The following GOLGB1 variants were observed in gnomAD, a reference collection of about 807,000 sequenced individuals.
GOLGB1 encodes the protein golgin B1.
GOLGB1 carries 174 observed loss-of-function variants against 336.9 expected under a neutral mutation model. That is an observed-to-expected ratio of 0.52 (90% CI 0.46 to 0.59). The LOEUF (loss-of-function observed/expected upper bound fraction) is 0.59, where lower values mean the gene tolerates loss of function less well. Among genes scored for constraint, GOLGB1 ranks in the 20% least tolerant of loss-of-function variants. The probability of loss-of-function intolerance (pLI) is 0.00; values close to 1 mark genes in which losing one functional copy is unlikely to be tolerated. For missense variants in GOLGB1, 3,331 were observed against 3,645.3 expected (o/e 0.91, Z 2.22); for synonymous variants, 1,208 against 1,289.2 (o/e 0.94, Z 1.35).
At chr3:121,712,878 C>T (rs1211257243) in intron 10 of GOLGB1, among the ~76,000 whole-genome samples, 1 of 152,088 alleles carries the variant, frequency 6.6e-6, no homozygotes, top group Non-Finnish European at 1.5e-5. Context: ...AATAGTACAA[C>T]CACAGCCAGG....
chr3:121,744,995 C>A (rs1947148740), intron 1 of GOLGB1, among the ~76,000 whole-genome samples: 1 of 152,070 alleles, frequency 6.6e-6, no homozygotes, highest in Non-Finnish European at 1.5e-5. Flanking sequence ...CTAACAAGGA[C>A]CATTCTAATG....
At chr3:121,723,375 A>G (rs551329002) in intron 5 of GOLGB1, among the ~76,000 whole-genome samples, 19 of 152,374 alleles carry the variant, frequency 1.2e-4, no homozygotes, top group Non-Finnish European at 2.5e-4. Context: ...AGACCCCTAT[A>G]TAACACTGTA....
chr3:121,699,628 A>C (rs1006257702), intron 12 of GOLGB1, among the ~76,000 whole-genome samples, 184 bp downstream of exon 12: 3 of 152,202 alleles, frequency 2.0e-5, no homozygotes, highest in African/African-American at 7.2e-5. Flanking sequence ...AATGAATTTT[A>C]ATATTCAGAA....
chr3:121,707,477 A>T (rs1034662728), intron 10 of GOLGB1, among the ~76,000 whole-genome samples: 3 of 151,556 alleles, frequency 2.0e-5, no homozygotes, highest in Non-Finnish European at 4.4e-5. Flanking sequence ...AGCAAAAAAA[A>T]AAAAAATTAG....
At chr3:121,684,095 T>C (rs1576308413) in intron 14 of GOLGB1, among the ~76,000 whole-genome samples, 1 of 115,530 alleles carries the variant, frequency 8.7e-6, no homozygotes, top group East Asian at 2.8e-4. Flanking sequence ...GCCATTGCAC[T>C]CCAGCCTGGA....
intron 14 of GOLGB1, among the ~76,000 whole-genome samples, chr3:121,684,988 A>C (rs1941565227): frequency 6.6e-6 from 1 of 152,236 alleles, no homozygotes; most frequent in Non-Finnish European, 1.5e-5. Context: ...GATGGGAATA[A>C]ACATCTTGAA....
intron 14 of GOLGB1, among the ~76,000 whole-genome samples, chr3:121,688,724 C>A (rs1361984410): frequency 3.3e-5 from 5 of 151,856 alleles, no homozygotes; most frequent in African/African-American, 1.2e-4. Context: ...CGGCCGCCAT[C>A]CCATCTAGGA....
chr3:121,717,902 T>C (rs916290032), intron 8 of GOLGB1, among the ~76,000 whole-genome samples: 8 of 152,188 alleles, frequency 5.3e-5, no homozygotes, highest in African/African-American at 1.7e-4. Flanking sequence ...TGAAATTCAT[T>C]TGTTTCATAT....
Position 121,719,691 on chromosome 3 carries a change from A to T in GOLGB1, c.726T>A (p.Leu242=). The T allele has an allele frequency of 1.2e-6, 2 of 1,611,218 alleles. No homozygotes were observed. The highest frequency in any genetic ancestry group is 1.7e-6 in the Non-Finnish European group (2 of 1,178,516). ...ETQVRLHEDE[L]LQLVTQADVE... ...CATCTGCCTGGGTTACTAACTGAAG[A>T]AGCTCATCTTCATGAAGACGAACTT... The change falls in exon 7 of 22, where the codon CTT becomes CTA. Residue 242 remains leucine, a synonymous_variant. Coordinates refer to ENST00000614479, the MANE Select transcript of GOLGB1 (RefSeq NM_001366282.2).
chr3:121,721,537 G>A (rs1483029167), intron 6 of GOLGB1, among the ~76,000 whole-genome samples: 2 of 152,240 alleles, frequency 1.3e-5, no homozygotes, highest in Admixed American at 1.3e-4. Flanking sequence ...GCTGAGGTGA[G>A]TGAGAGGATG....
chr3:121,711,770 T>C (rs1425380627), intron 10 of GOLGB1, among the ~76,000 whole-genome samples: 1 of 152,214 alleles, frequency 6.6e-6, no homozygotes, highest in East Asian at 1.9e-4. Flanking sequence ...AATGTTATAA[T>C]GTGCATAATT....
Position 121,698,911 on chromosome 3 carries a change from C to A in GOLGB1, c.1612G>T (p.Ala538Ser). The A allele has an allele frequency of 6.4e-7, 1 of 1,565,118 alleles. No individual in the cohort carries two copies. Among genetic ancestry groups the A allele is most frequent in the Non-Finnish European group, 8.6e-7 (1 of 1,157,306 alleles). ...EVSEISIVDI[A>S]NKRSSSAEES... ...TCAGCAGAAGAGCTCCTCTTGTTGG[C>A]AATATCAACAATGCTGATCTATTTT... The change falls in exon 13 of 22, where the codon GCC becomes TCC. Residue 538 changes from alanine to serine, a missense_variant. Ala to Ser is a moderately conservative substitution (Grantham distance 99). Transcript: ENST00000614479.
chr3:121,730,635 G>A (rs1022385512), intron 2 of GOLGB1, among the ~76,000 whole-genome samples: 7 of 152,148 alleles, frequency 4.6e-5, no homozygotes, highest in African/African-American at 1.7e-4. Context: ...ACCAAACAAG[G>A]CCCAGGGAGA....
Position 121,677,560 on chromosome 3 carries a change from G to C in GOLGB1, c.8874-110C>G, listed in dbSNP as rs866502938. ...TTATCTTCAAAGTTACTCAAATCTG[G>C]AAGGTAAAGAAAGAAAGGCTAAGAA... On this transcript the variant is annotated intron_variant, in intron 15 of 21. Transcript: ENST00000614479. 9.8e-6 allele frequency: 7 copies of C among 710,832 alleles called. No homozygotes were observed. In the South Asian group the frequency reaches 1.2e-4, roughly 12 times the overall value. 44.0% of individuals were successfully genotyped at this position (710,832 alleles called of 1,614,324 possible). A position where few individuals can be genotyped will look rare whatever the true frequency, so the allele number is the denominator to read the frequency against.
At chr3:121,689,050 TC>T (rs1291803138) in intron 14 of GOLGB1, among the ~76,000 whole-genome samples, 1 of 145,730 alleles carries the variant, frequency 6.9e-6, no homozygotes, top group African/African-American at 2.6e-5. Flanking sequence ...AGCCGCCCCG[TC>T]CGGGAGGGAG....
Position 121,730,871 on chromosome 3 carries a change from C to T in GOLGB1, c.96+5G>A. 1.2e-6 allele frequency: 2 copies of T among 1,608,780 alleles called. No homozygotes were observed. The highest frequency in any genetic ancestry group is 2.7e-5 in the African/African-American group (2 of 74,664). On this transcript the variant is annotated splice_donor_5th_base_variant and intron_variant, in intron 2 of 21. Coordinates refer to ENST00000614479, the MANE Select transcript of GOLGB1 (RefSeq NM_001366282.2). ...ACCAGTTTAAATCAGAACAGAACTA[C>T]TCACAGGGTCTAGGGGAGCCCTCAT...
Position 121,691,845 on chromosome 3 carries a change from C to T in GOLGB1, c.7519G>A (p.Ala2507Thr), listed in dbSNP as rs1273930520. 1.2e-6 allele frequency: 2 copies of T among 1,613,146 alleles called. No homozygotes were observed. The highest frequency in any genetic ancestry group is 1.1e-5 in the South Asian group (1 of 90,844). ...TCTTTAAGCTTATTATTCTCTGCAG[C>T]AGCCTCTTGGATGAGTTGGTCTTTT... ...LEKDQLIQEA[A>T]AENNKLKEEI... The change falls in exon 14 of 22, where the codon GCT (alanine) becomes ACT (threonine). Residue 2507 changes from alanine to threonine, a missense_variant. By Grantham distance (58) the Ala-to-Thr change is moderately conservative (BLOSUM62 0). Transcript: ENST00000614479.
intron 5 of GOLGB1, among the ~76,000 whole-genome samples, chr3:121,724,213 G>A (rs1303308086): frequency 6.6e-6 from 1 of 152,148 alleles, no homozygotes; most frequent in Non-Finnish European, 1.5e-5. Context: ...TGAGGGCTTA[G>A]AAGATAAGAC....
chr3:121,676,790 A>G (rs1017612145), intron 17 of GOLGB1, 103 bp downstream of exon 17: 4 of 989,650 alleles, frequency 4.0e-6, no homozygotes, highest in Non-Finnish European at 6.3e-6. Context: ...GTACCCTAAG[A>G]TATGCTACAG....
Sources: allele counts gnomAD v4.1 joint callset (sites outside exome capture counted in the v4.1 genomes callset), GRCh38; gene constraint gnomAD v4.1.1; transcripts MANE v1.5; gene names NCBI Gene and HGNC (gene_info 2026-07-23, HGNC 2026-07-21).